PLCL1: variants seen among roughly 807,000 people sequenced by gnomAD.
The protein encoded by PLCL1 is phospholipase C like 1 (inactive), also known as inactive phospholipase C-like protein 1.
PLCL1 carries 41 observed loss-of-function variants against 84.4 expected under a neutral mutation model. The ratio of observed to expected loss-of-function variants is 0.49; its 90% confidence interval spans 0.38 to 0.63. The LOEUF (loss-of-function observed/expected upper bound fraction) is 0.63. Ranked by LOEUF, PLCL1 falls within the 30% of genes least tolerant of loss-of-function variation. The pLI is 0.00. For synonymous variants in PLCL1, 490 were observed against 488.3 expected, an observed-to-expected ratio of 1.00 and a Z score of -0.05; for missense variants, 1,206 against 1,367.8, an observed-to-expected ratio of 0.88 and a Z score of 1.87.
rs1693056945 is a variant in PLCL1 at position 198,092,045 on chromosome 2, AC to A, written c.2919+2986del. ...AGTTTTACCTGCCGCTCCCAACTGC[AC>A]CTGCATCTCCAGCCTCACCTGCTTC... On this transcript the variant is annotated intron_variant, in intron 3 of 5. Coordinates refer to ENST00000428675, the MANE Select transcript of PLCL1 (RefSeq NM_006226.4). Among the ~76,000 whole-genome samples, 4 of 149,390 alleles carry A rather than the reference AC, an allele frequency of 2.7e-5. No individual in the cohort carries two copies. In the South Asian group the frequency reaches 8.5e-4, roughly 32 times the overall value.
At chr2:198,088,623 G>C (rs779981467) in intron 2 of PLCL1, among the ~76,000 whole-genome samples, 1 of 152,216 alleles carries the variant, frequency 6.6e-6, no homozygotes, top group African/African-American at 2.4e-5. Flanking sequence ...GTACTTAGTT[G>C]TGTGACTATC....
chr2:198,083,484 C>A (rs771093529), intron 1 of PLCL1, among the ~76,000 whole-genome samples: 12 of 152,164 alleles, frequency 7.9e-5, no homozygotes, highest in Non-Finnish European at 1.2e-4. Flanking sequence ...AAGAAATCTG[C>A]TTTAATGAAC....
chr2:197,815,350 T>C (rs1045813150), intron 1 of PLCL1, among the ~76,000 whole-genome samples: 7 of 152,194 alleles, frequency 4.6e-5, no homozygotes, highest in African/African-American at 1.7e-4. Context: ...TACTAAATAT[T>C]TTAAGCCCAC....
intron 1 of PLCL1, among the ~76,000 whole-genome samples, chr2:197,813,704 A>G (rs1459765388): frequency 6.6e-6 from 1 of 152,172 alleles, no homozygotes; most frequent in African/African-American, 2.4e-5. Context: ...TCTCACAATA[A>G]CCATATGATA....
chr2:198,111,811 A>G (rs554113052), intron 5 of PLCL1, among the ~76,000 whole-genome samples: 2 of 152,028 alleles, frequency 1.3e-5, no homozygotes, highest in Admixed American at 1.3e-4. Context: ...TGACAGCACC[A>G]TAATAGTAAT....
At chr2:198,120,186 T>A (rs567086780) in intron 5 of PLCL1, among the ~76,000 whole-genome samples, 109 of 152,042 alleles carry the variant, frequency 7.2e-4, no homozygotes, top group African/African-American at 2.5e-3. Context: ...TTAAAAAAAA[T>A]AATTTTTGTG....
intron 1 of PLCL1, among the ~76,000 whole-genome samples, chr2:197,825,365 G>C (rs1257586211): frequency 2.0e-5 from 3 of 152,136 alleles, no homozygotes; most frequent in African/African-American, 7.2e-5. Context: ...TTCAGTAGAA[G>C]GCATAGGCAG....
chr2:197,984,326 G>A (rs994536631), intron 1 of PLCL1, among the ~76,000 whole-genome samples: 4 of 151,908 alleles, frequency 2.6e-5, no homozygotes, highest in South Asian at 2.1e-4. Context: ...AGAGAACTTC[G>A]GTTACCTTAA....
intron 1 of PLCL1, among the ~76,000 whole-genome samples, chr2:197,852,517 A>C (rs374672494): frequency 6.6e-6 from 1 of 152,218 alleles, no homozygotes; most frequent in African/African-American, 2.4e-5. Flanking sequence ...GGAGGAGATG[A>C]AGGTGTGTAA....
At chr2:198,081,790 T>A (rs1032624731) in intron 1 of PLCL1, among the ~76,000 whole-genome samples, 1 of 152,190 alleles carries the variant, frequency 6.6e-6, no homozygotes. Flanking sequence ...TAATAAATTA[T>A]CCTGTCTTTT....
intron 1 of PLCL1, among the ~76,000 whole-genome samples, chr2:198,075,633 T>C (rs1278233605): frequency 6.6e-6 from 1 of 152,200 alleles, no homozygotes; most frequent in East Asian, 1.9e-4. Flanking sequence ...GACGTAGTAC[T>C]TCTGTTTAAT....
chr2:197,825,017 G>A (rs1442773240), intron 1 of PLCL1, among the ~76,000 whole-genome samples: 1 of 152,018 alleles, frequency 6.6e-6, no homozygotes. Context: ...TTTTCTGCAG[G>A]TTTTTTGACC....
At chr2:197,863,912 A>G (rs1300672367) in intron 1 of PLCL1, among the ~76,000 whole-genome samples, 1 of 152,188 alleles carries the variant, frequency 6.6e-6, no homozygotes, top group Non-Finnish European at 1.5e-5. Flanking sequence ...CTTCTTTGGT[A>G]TGGCCTATTT....
chr2:197,847,543 A>G (rs1391429487), intron 1 of PLCL1, among the ~76,000 whole-genome samples: 1 of 152,204 alleles, frequency 6.6e-6, no homozygotes, highest in African/African-American at 2.4e-5. Flanking sequence ...ACTCTGAAAC[A>G]TGAGTTTTGA....
At chr2:198,091,130 C>G (rs1693019497) in intron 3 of PLCL1, among the ~76,000 whole-genome samples, 1 of 152,088 alleles carries the variant, frequency 6.6e-6, no homozygotes, top group African/African-American at 2.4e-5. Flanking sequence ...TGTAAATATC[C>G]TTATACCACA....
At position 197,854,774 on chromosome 2, in the gene PLCL1, G is replaced by A. The variant is rs182271101; in HGVS notation, c.240+49435G>A. Among the ~76,000 whole-genome samples, 1,073 of 152,242 alleles carry A rather than the reference G, an allele frequency of 7.0e-3. 12 individuals are homozygous for A. Among genetic ancestry groups the A allele is most frequent in the Non-Finnish European group, 7.9e-3 (537 of 68,008 alleles). ...ATTACTTAAGGGCCTGAAATTACTA[G>A]CACTCAGGAGTTGCCTGAATTAATT... On this transcript the variant is annotated intron_variant, in intron 1 of 5. Transcript: ENST00000428675.
intron 1 of PLCL1, among the ~76,000 whole-genome samples, chr2:198,081,431 A>G (rs1257644907): frequency 2.0e-5 from 3 of 152,230 alleles, no homozygotes; most frequent in African/African-American, 7.2e-5. Flanking sequence ...GGAAAAATAC[A>G]CACAAACATC....
At chr2:198,104,808 T>C (rs1693433410) in intron 5 of PLCL1, among the ~76,000 whole-genome samples, 1 of 152,090 alleles carries the variant, frequency 6.6e-6, no homozygotes, top group Non-Finnish European at 1.5e-5. Context: ...TTTATATGCT[T>C]GTTGGCCGCG....
rs116439959 is a variant in PLCL1 at position 197,837,384 on chromosome 2, G to A, written c.240+32045G>A. Among the ~76,000 whole-genome samples, 1,031 of 152,290 alleles carry A rather than the reference G, an allele frequency of 6.8e-3. 12 individuals carry two copies. Among genetic ancestry groups the A allele is most frequent in the African/African-American group, 0.024 (989 of 41,564 alleles). ...TACAAAATAATCAAGTTTGACAATA[G>A]TTTTCAGTTGCTACCTCTTTCTGTG... On this transcript the variant is annotated intron_variant, in intron 1 of 5. Transcript: ENST00000428675.
Sources: allele counts gnomAD v4.1 joint callset (sites outside exome capture counted in the v4.1 genomes callset), GRCh38; gene constraint gnomAD v4.1.1; transcripts MANE v1.5; gene names NCBI Gene and HGNC (gene_info 2026-07-23, HGNC 2026-07-21).